ANKS1B: variants seen among roughly 807,000 people sequenced by gnomAD.
ANKS1B encodes ankyrin repeat and sterile alpha motif domain-containing protein 1B.
Under a neutral mutation model 148.3 loss-of-function variants are expected in ANKS1B, and 36 were observed. The ratio of observed to expected loss-of-function variants is 0.24; its 90% CI spans 0.19 to 0.32. The LOEUF (loss-of-function observed/expected upper bound fraction) is 0.32, where lower values mean the gene tolerates loss of function less well. ANKS1B is among the 10% of genes least tolerant of loss of function. The pLI, the probability that ANKS1B is intolerant of heterozygous loss-of-function variation, is 1.00. For synonymous variants in ANKS1B, 542 were observed against 560.8 expected, an observed-to-expected ratio of 0.97 and a Z score of 0.47; for missense variants, 1,157 against 1,542.6, an observed-to-expected ratio of 0.75 and a Z score of 4.19.
chr12:99,869,796 C>T (rs868491678), intron 1 of ANKS1B, among the ~76,000 whole-genome samples: 23 of 151,726 alleles, frequency 1.5e-4, no homozygotes, highest in Middle Eastern at 6.9e-3. Flanking sequence ...ATATGCCTCA[C>T]ATCATATAAA....
chr12:99,805,296 C>T (rs1341851770), intron 4 of ANKS1B, among the ~76,000 whole-genome samples: 1 of 52,794 alleles, frequency 1.9e-5, no homozygotes, highest in Non-Finnish European at 4.1e-5. Flanking sequence ...AAAGACTAAC[C>T]CTGGAGTTGG....
At chr12:98,980,789 C>T (rs1329758346) in intron 17 of ANKS1B, among the ~76,000 whole-genome samples, 2 of 152,152 alleles carry the variant, frequency 1.3e-5, no homozygotes, top group Non-Finnish European at 2.9e-5. Context: ...CTGAGCCTCT[C>T]CAAACTCCAG....
chr12:99,576,301 G>A (rs1381311785), intron 9 of ANKS1B, among the ~76,000 whole-genome samples: 1 of 151,834 alleles, frequency 6.6e-6, no homozygotes, highest in Non-Finnish European at 1.5e-5. Context: ...AATAATAGTG[G>A]AAGACTTCAA....
intron 1 of ANKS1B, among the ~76,000 whole-genome samples, chr12:99,867,752 A>ACATT (rs1189056012): frequency 6.6e-6 from 1 of 151,886 alleles, no homozygotes; most frequent in East Asian, 1.9e-4. Flanking sequence ...CATTACACCT[A>ACATT]CTCTTCCAGA....
intron 19 of ANKS1B, among the ~76,000 whole-genome samples, chr12:98,814,003 C>CT (rs1279739921): frequency 6.6e-6 from 1 of 152,082 alleles, no homozygotes; most frequent in African/African-American, 2.4e-5. Flanking sequence ...GCCTCAACCT[C>CT]TTGAGTAGCT....
intron 9 of ANKS1B, among the ~76,000 whole-genome samples, chr12:99,583,218 G>A (rs1462237803): frequency 6.6e-6 from 1 of 152,118 alleles, no homozygotes; most frequent in Admixed American, 6.5e-5. Flanking sequence ...AAAGGTACAT[G>A]TTGGTTTTTC....
In ANKS1B at chr12:99,806,834, T is replaced by C. The variant is rs1314687565; in HGVS notation, c.373-134A>G. On this transcript the variant is annotated intron_variant, in intron 3 of 26. Transcript: ENST00000683438. ...TATCCATTTTAACAAGTATGCCTAA[T>C]GGAATTTTATATTTGATAAAAGTAT... The C allele has an allele frequency of 3.3e-6, 3 of 900,276 alleles. No homozygotes were observed. The East Asian group carries it at 8.0e-5, about 24-fold the overall frequency. 55.8% of individuals were successfully genotyped at this position (900,276 alleles called of 1,614,324 possible). A position where few individuals can be genotyped will look rare whatever the true frequency, so the allele number is the denominator to read the frequency against.
chr12:99,609,715 G>A (rs2097884032), intron 9 of ANKS1B, among the ~76,000 whole-genome samples: 1 of 151,936 alleles, frequency 6.6e-6, no homozygotes, highest in Non-Finnish European at 1.5e-5. Flanking sequence ...GTAAAAACGA[G>A]ACAAACAGGA....
At chr12:98,976,011 A>T (rs1296248683) in intron 17 of ANKS1B, among the ~76,000 whole-genome samples, 2 of 152,242 alleles carry the variant, frequency 1.3e-5, no homozygotes, top group Admixed American at 1.3e-4. Context: ...ATAGTAATAG[A>T]TGAAGGATAA....
chr12:98,960,175 G>A (rs1332107308), intron 17 of ANKS1B, among the ~76,000 whole-genome samples: 2 of 152,198 alleles, frequency 1.3e-5, no homozygotes. Flanking sequence ...GGTGTTGGGT[G>A]AGACCCAATG....
chr12:99,376,632 A>C (rs140561093), intron 12 of ANKS1B, among the ~76,000 whole-genome samples: 1 of 152,346 alleles, frequency 6.6e-6, no homozygotes, highest in African/African-American at 2.4e-5. Context: ...TCCTGATGAA[A>C]TTAAATTGCA....
chr12:98,819,041 T>G (rs1297735354), intron 19 of ANKS1B, among the ~76,000 whole-genome samples: 6 of 152,178 alleles, frequency 3.9e-5, no homozygotes. Context: ...AATACACTGA[T>G]GGATGACTTC....
At chr12:98,949,350 G>A (rs1460949700) in intron 17 of ANKS1B, among the ~76,000 whole-genome samples, 1 of 152,108 alleles carries the variant, frequency 6.6e-6, no homozygotes, top group Non-Finnish European at 1.5e-5. Context: ...CTATGCAGCT[G>A]CCTCCATCCT....
At chr12:99,912,226 G>T (rs1438400584) in intron 1 of ANKS1B, among the ~76,000 whole-genome samples, 1 of 152,146 alleles carries the variant, frequency 6.6e-6, no homozygotes, top group Non-Finnish European at 1.5e-5. Flanking sequence ...GAGATTCACT[G>T]GTGCTTTCTG....
intron 9 of ANKS1B, among the ~76,000 whole-genome samples, chr12:99,573,652 C>A (rs2097485904): frequency 6.6e-6 from 1 of 151,968 alleles, no homozygotes; most frequent in African/African-American, 2.4e-5. Flanking sequence ...GACCTTCTTT[C>A]TTCTCCAGCA....
At chr12:98,842,622 G>C (rs1043240881) in intron 17 of ANKS1B, among the ~76,000 whole-genome samples, 3 of 152,156 alleles carry the variant, frequency 2.0e-5, no homozygotes, top group Admixed American at 6.5e-5. Context: ...ATAATGCTGG[G>C]AGAATGCATT....
chr12:99,090,964 A>G (rs947200390), intron 15 of ANKS1B, among the ~76,000 whole-genome samples: 3 of 152,144 alleles, frequency 2.0e-5, no homozygotes, highest in African/African-American at 4.8e-5. Flanking sequence ...AGAAAATTCT[A>G]TAGTACACTA....
intron 2 of ANKS1B, 102 bp from the exon 3 acceptor site, chr12:99,812,413 G>T: frequency 7.9e-7 from 1 of 1,267,974 alleles, no homozygotes. Flanking sequence ...GGAATTTAGA[G>T]TAATCATTCA....
chr12:99,136,832 A>AT (rs971168088), intron 15 of ANKS1B, among the ~76,000 whole-genome samples: 3 of 151,942 alleles, frequency 2.0e-5, no homozygotes, highest in African/African-American at 4.8e-5. Flanking sequence ...GTATTATTTC[A>AT]TTTTTTTTAA....
Sources: allele counts gnomAD v4.1 joint callset (sites outside exome capture counted in the v4.1 genomes callset), GRCh38; gene constraint gnomAD v4.1.1; transcripts MANE v1.5; gene names NCBI Gene and HGNC (gene_info 2026-07-23, HGNC 2026-07-21).